The following ITIH5 variants were observed in gnomAD, a reference collection of about 807,000 sequenced individuals.
The protein encoded by ITIH5 is inter-alpha-trypsin inhibitor heavy chain H5.
ITIH5 carries 65 observed loss-of-function variants against 77.5 expected under a neutral mutation model. That is an observed-to-expected ratio of 0.84 (90% CI 0.69 to 1.03). The LOEUF (loss-of-function observed/expected upper bound fraction) is 1.03, where lower values mean the gene tolerates loss of function less well. Among genes scored for constraint, ITIH5 ranks in the 50% least tolerant of loss-of-function variants. The pLI is 0.00. For missense variants in ITIH5, 1,208 were observed against 1,213.1 expected (o/e 1.00, Z 0.06); for synonymous variants, 525 against 494.3 (o/e 1.06, Z -0.82).
chr10:7,574,131 A>G (rs1329041884), intron 10 of ITIH5, among the ~76,000 whole-genome samples: 1 of 152,242 alleles, frequency 6.6e-6, no homozygotes, highest in African/African-American at 2.4e-5. Context: ...TTTGTATTTC[A>G]AAGTACTGGT....
intron 1 of ITIH5, among the ~76,000 whole-genome samples, chr10:7,656,746 C>CT (rs34745417): frequency 9.4e-4 from 106 of 112,844 alleles, no homozygotes; most frequent in East Asian, 7.5e-3. Flanking sequence ...GTCTATTTTT[C>CT]TTTTTTTTTT....
chr10:7,643,958 C>T (rs902164033), intron 2 of ITIH5, among the ~76,000 whole-genome samples: 7 of 152,126 alleles, frequency 4.6e-5, no homozygotes, highest in East Asian at 1.9e-4. Context: ...TCAAGTGCAC[C>T]GGCTGGGCGC....
intron 11 of ITIH5, among the ~76,000 whole-genome samples, chr10:7,570,597 C>A (rs1832277199): frequency 6.6e-6 from 1 of 152,204 alleles, no homozygotes; most frequent in Admixed American, 6.5e-5. Flanking sequence ...TACCTTCTCT[C>A]TAATTTATAT....
At chr10:7,612,674 T>TA (rs951590059) in intron 7 of ITIH5, among the ~76,000 whole-genome samples, 1 of 149,334 alleles carries the variant, frequency 6.7e-6, no homozygotes, top group African/African-American at 2.5e-5. Context: ...TTTTTTTTTT[T>TA]AGAAAGGAAA....
rs1447936729 is a variant in ITIH5 at position 7,586,032 on chromosome 10, C to T, written c.977G>A (p.Arg326Gln). Residue 326 changes from arginine to glutamine, a missense_variant, in exon 8 of 14, where the codon CGA becomes CAA. By Grantham distance (43) the Arg-to-Gln change is conservative. Coordinates refer to ENST00000397146, the MANE Select transcript of ITIH5 (RefSeq NM_030569.7). The stretch of plus-strand genomic sequence containing the variant: ...AATGATACTGAAACGGTCCTGGGGT[C>T]GGAGGTCATGGAGAATTGTGAAGAG... ...DALFTILHDL[R>Q]PQDRFSIIGF... 9.3e-6 allele frequency: 15 copies of T among 1,613,738 alleles called. No homozygotes were observed. Among genetic ancestry groups the T allele is most frequent in the Non-Finnish European group, 1.2e-5 (14 of 1,179,946 alleles).
chr10:7,563,854 C>T (rs1170113824), intron 13 of ITIH5, among the ~76,000 whole-genome samples: 1 of 152,254 alleles, frequency 6.6e-6, no homozygotes, highest in Admixed American at 6.5e-5. Context: ...GATGGCAGCA[C>T]TGCTCAGGCC....
At chr10:7,642,172 C>G in intron 2 of ITIH5, 82 bp from the exon 3 acceptor site, 1 of 1,107,978 alleles carries the variant, frequency 9.0e-7, no homozygotes, top group Non-Finnish European at 1.3e-6. Context: ...TTTTTTTCCA[C>G]AAGGGAAATA....
At chr10:7,583,216 T>C (rs1228941495) in intron 8 of ITIH5, among the ~76,000 whole-genome samples, 1 of 152,224 alleles carries the variant, frequency 6.6e-6, no homozygotes, top group Non-Finnish European at 1.5e-5. Context: ...ATTTTCTAGC[T>C]AAAAAAGTAG....
chr10:7,641,296 C>T (rs1055495293), intron 3 of ITIH5, among the ~76,000 whole-genome samples: 3 of 152,086 alleles, frequency 2.0e-5, no homozygotes, highest in African/African-American at 7.2e-5. Flanking sequence ...GAGGAAGAGC[C>T]TCCTGAAAGC....
At chr10:7,581,743 TTA>T (rs1328349036) in intron 8 of ITIH5, among the ~76,000 whole-genome samples, 9 of 127,060 alleles carry the variant, frequency 7.1e-5, no homozygotes, top group East Asian at 6.4e-4. Context: ...TTTTTTTTTT[TTA>T]GAGACAGGGT....
At chr10:7,579,712 C>T (rs1255470687) in intron 9 of ITIH5, 43 bp downstream of exon 9, 2 of 1,588,582 alleles carry the variant, frequency 1.3e-6, no homozygotes, top group African/African-American at 1.3e-5. Context: ...CACCCCTCAG[C>T]CCCTCAAACA....
Position 7,619,704 on chromosome 10 carries a change from C to T in ITIH5, c.653-2422G>A, listed in dbSNP as rs137905619. On this transcript the variant is annotated intron_variant, in intron 5 of 13. Transcript: ENST00000397146. ...ACTGGGAAGCGCCGGACTTTTAAAC[C>T]ATGAGATCTCGTGAGAACTCACTCA... is the stretch of plus-strand genomic sequence containing the variant. The T allele has an allele frequency of 7.8e-4, 167 of 214,850 alleles. 1 individual carries two copies. Among genetic ancestry groups the T allele is most frequent in the African/African-American group, 3.8e-3 (164 of 43,662 alleles). The allele number at this position is 214,850 out of a possible 1,614,324, so 13.3% of individuals were successfully genotyped here.
chr10:7,604,337 A>G (rs1833079440), intron 7 of ITIH5, among the ~76,000 whole-genome samples: 2 of 152,136 alleles, frequency 1.3e-5, no homozygotes, highest in African/African-American at 4.8e-5. Flanking sequence ...CAGGGGTCTC[A>G]GGTTCAACCC....
Position 7,644,804 on chromosome 10 carries a change from A to G in ITIH5, c.136-2714T>C, listed in dbSNP as rs1223612313. 8.8e-5 allele frequency among the ~76,000 whole-genome samples: 10 copies of G among 113,908 alleles called. 1 individual carries two copies. The highest frequency in any genetic ancestry group is 3.0e-4 in the African/African-American group (9 of 29,544). 74.7% of individuals were successfully genotyped at this position (113,908 alleles called of 152,430 possible). On this transcript the variant is annotated intron_variant, in intron 2 of 13. Transcript: ENST00000397146. ...CACATATATATCATATATATCATAT[A>G]TATCACATATATATCATATATATCA... is the stretch of plus-strand genomic sequence containing the variant.
intron 4 of ITIH5, among the ~76,000 whole-genome samples, chr10:7,637,810 G>C (rs553946864): frequency 3.7e-4 from 56 of 152,320 alleles, no homozygotes; most frequent in African/African-American, 1.3e-3. Flanking sequence ...TTGGAGTGAA[G>C]CTGTGAATTG....
At chr10:7,646,257 A>T (rs887566104) in intron 2 of ITIH5, among the ~76,000 whole-genome samples, 3 of 152,246 alleles carry the variant, frequency 2.0e-5, no homozygotes, top group African/African-American at 7.2e-5. Context: ...TCTCTGCTTT[A>T]TTTAAAATTT....
Position 7,623,245 on chromosome 10 carries a change from T to C in ITIH5, c.653-5963A>G, listed in dbSNP as rs567833189. 1.8e-3 allele frequency among the ~76,000 whole-genome samples: 281 copies of C among 152,298 alleles called. 2 individuals carry two copies. Among genetic ancestry groups the C allele is most frequent in the Non-Finnish European group, 3.0e-3 (203 of 68,020 alleles). ...AGAAAAGCAGCCAACACCTGGTGCATTGACAAAAGGATTTCCCAACACACG... is the reference window on the plus strand; with the variant it reads ...AGAAAAGCAGCCAACACCTGGTGCACTGACAAAAGGATTTCCCAACACACG... On this transcript the variant is annotated intron_variant, in intron 5 of 13. Coordinates refer to ENST00000397146, the MANE Select transcript of ITIH5 (RefSeq NM_030569.7).
chr10:7,637,972 A>G (rs1236232793), intron 4 of ITIH5, among the ~76,000 whole-genome samples: 1 of 152,216 alleles, frequency 6.6e-6, no homozygotes, highest in Non-Finnish European at 1.5e-5. Context: ...TGACAAAAAT[A>G]CACTCCAGAT....
At chr10:7,615,439 C>A (rs1209158001) in intron 7 of ITIH5, among the ~76,000 whole-genome samples, 3 of 152,122 alleles carry the variant, frequency 2.0e-5, no homozygotes, top group Admixed American at 6.5e-5. Context: ...ATAAGAAAGT[C>A]TTTTCCAGTG....
Sources: gnomAD v4.1 joint callset for allele counts (sites outside exome capture counted in the v4.1 genomes callset) on GRCh38, gnomAD v4.1.1 for gene constraint, MANE v1.5 for transcripts, NCBI Gene and HGNC (gene_info 2026-07-23, HGNC 2026-07-21) for gene names.